TRIM29: variants seen among roughly 807,000 people sequenced by gnomAD.
The protein encoded by TRIM29 is tripartite motif containing 29, also known as tripartite motif-containing protein 29.
A neutral mutation model predicts 57.3 loss-of-function variants in TRIM29; 52 were observed. The ratio of observed to expected loss-of-function variants is 0.91; its 90% CI spans 0.73 to 1.14. The LOEUF is 1.14. Ranked by LOEUF, TRIM29 falls within the 50% of genes most tolerant of loss-of-function variation. The probability of loss-of-function intolerance (pLI) is 0.00; values close to 1 mark genes in which losing one functional copy is unlikely to be tolerated. For missense variants in TRIM29, 753 were observed against 774.6 expected (o/e 0.97, Z 0.33); for synonymous variants, 319 against 316.9 (o/e 1.01, Z -0.07).
intron 4 of TRIM29, chr11:120,123,351 A>G (rs1251082931): frequency 1.7e-6 from 1 of 585,094 alleles, no homozygotes; most frequent in South Asian, 1.5e-5. Flanking sequence ...GGTGCTATTA[A>G]TGCCCATTTC....
intron 7 of TRIM29, chr11:120,116,889 G>C (rs952108344): frequency 2.9e-6 from 1 of 343,324 alleles, no homozygotes; most frequent in East Asian, 9.0e-5. Context: ...AGAAGTGGCA[G>C]AGAGCCCCCC....
chr11:120,114,286 CCTT>C (rs1408894131), intron 8 of TRIM29, among the ~76,000 whole-genome samples: 4 of 152,192 alleles, frequency 2.6e-5, no homozygotes, highest in South Asian at 2.1e-4. Context: ...AGAACAGAAA[CCTT>C]CTTTTTTCTC....
chr11:120,137,772 T>C lies in TRIM29; in HGVS notation c.260A>G (p.Asp87Gly), dbSNP rs1407704489. Residue 87 changes from aspartate (D) to glycine (G), a missense_variant, in exon 1 of 9, where the codon GAC becomes GGC. Coordinates refer to ENST00000341846, the MANE Select transcript of TRIM29 (RefSeq NM_012101.4). The surrounding 1 kb of genome is among the most constrained non-coding windows in gnomAD (Gnocchi z 6.2). Reference protein sequence around the residue: ...RPIIQFVESGDDKNSNYFSMD... With the variant: ...RPIIQFVESGGDKNSNYFSMD... ...GCTGAAGTAGTTGGAGTTCTTGTCG[T>C]CCCCGGACTCGACAAACTGGATGAT... 6.2e-7 allele frequency: 1 copy of C among 1,612,112 alleles called. No homozygotes were observed. The highest frequency in any genetic ancestry group is 1.1e-5 in the South Asian group (1 of 91,078).
At chr11:120,120,176 G>C (rs977811960) in intron 6 of TRIM29, among the ~76,000 whole-genome samples, 2 of 120,342 alleles carry the variant, frequency 1.7e-5, no homozygotes, top group Non-Finnish European at 3.8e-5. Context: ...TACTTGTGGG[G>C]GGGGTGGCGC....
At position 120,128,682 on chromosome 11, in the gene TRIM29, G is replaced by T. The variant is rs1036945315; in HGVS notation, c.805-187C>A. On this transcript the variant is annotated intron_variant, in intron 1 of 8. Coordinates refer to ENST00000341846, the MANE Select transcript of TRIM29 (RefSeq NM_012101.4). ...GCCAGGCACCATGCCAGTCGCCAAG[G>T]ATCTAGCAGTAAGTTAAATACCATC... 2.0e-5 allele frequency: 31 copies of T among 1,535,042 alleles called. No individual in the cohort carries two copies. In the Admixed American group the frequency reaches 5.3e-4, roughly 26 times the overall value.
intron 4 of TRIM29, chr11:120,125,226 C>T: frequency 5.0e-6 from 1 of 199,852 alleles, no homozygotes; most frequent in South Asian, 1.1e-4. Context: ...CAGCACTGCT[C>T]AGCATGGCCA....
intron 6 of TRIM29, among the ~76,000 whole-genome samples, chr11:120,120,355 AC>A (rs2134994972): frequency 1.4e-4 from 1 of 7,388 alleles, no homozygotes; most frequent in African/African-American, 4.0e-4. Context: ...ACACACACAC[AC>A]ACACACACAC....
At position 120,122,970 on chromosome 11, in the gene TRIM29, C is replaced by T. The variant is rs1192045706; in HGVS notation, c.1419G>A (p.Met473Ile). 1.2e-6 allele frequency: 2 copies of T among 1,614,060 alleles called. No individual in the cohort carries two copies. Among genetic ancestry groups the T allele is most frequent in the Admixed American group, 1.7e-5 (1 of 60,018 alleles). ...CCCTCTTACCTTTGGGTGTCAGGTACATGGAGTATCTCTTCATGGTGTCCG... is the reference window on the plus strand; with the variant it reads ...CCCTCTTACCTTTGGGTGTCAGGTATATGGAGTATCTCTTCATGGTGTCCG... ...SAPDTMKRYS[M>I]YLTPKGGVRT... Residue 473 changes from methionine (M) to isoleucine (I), a missense_variant, in exon 5 of 9, where the codon ATG becomes ATA. Physicochemically the swap from Met to Ile is conservative, Grantham distance 10. Transcript: ENST00000341846.
chr11:120,122,853 C>G (rs899346037), intron 5 of TRIM29, 101 bp downstream of exon 5: 11 of 888,340 alleles, frequency 1.2e-5, no homozygotes, highest in Non-Finnish European at 1.8e-5. Context: ...ATGCCATCAC[C>G]CCCACTCAGA....
At chr11:120,122,865 G>C in intron 5 of TRIM29, 89 bp downstream of exon 5, 1 of 1,047,616 alleles carries the variant, frequency 9.5e-7, no homozygotes, top group South Asian at 1.4e-5. Flanking sequence ...CCACTCAGAA[G>C]GAACCTGGCT....
rs117526642 is a variant in TRIM29 at position 120,127,077 on chromosome 11, A to G, written c.1134+259T>C. ...CCCAGAGCACTGCTAGCACATATCA[A>G]TTGAAGTTGGTAAAAGGTGATATTT... is the stretch of plus-strand genomic sequence containing the variant. On this transcript the variant is annotated intron_variant, in intron 3 of 8. Coordinates refer to ENST00000341846, the MANE Select transcript of TRIM29 (RefSeq NM_012101.4). Among the ~76,000 whole-genome samples, 5 of 152,348 alleles carry G rather than the reference A, an allele frequency of 3.3e-5. No homozygotes were observed. The East Asian group carries it at 9.6e-4, about 29-fold the overall frequency.
chr11:120,120,156 C>T (rs1018487235), intron 6 of TRIM29, among the ~76,000 whole-genome samples: 1 of 143,574 alleles, frequency 7.0e-6, no homozygotes, highest in Non-Finnish European at 1.5e-5. Flanking sequence ...TTTGGGTCCT[C>T]GTGCCCTCAT....
chr11:120,120,971 A>C (rs924003547), intron 5 of TRIM29: 20 of 436,776 alleles, frequency 4.6e-5, no homozygotes, highest in African/African-American at 3.8e-4. Context: ...AAGTGGCCTA[A>C]TGAGCCAGAA....
chr11:120,112,237 C>T lies in TRIM29; in HGVS notation c.*177G>A, dbSNP rs929003497. 4.9e-6 allele frequency: 3 copies of T among 613,170 alleles called. No individual in the cohort carries two copies. Among genetic ancestry groups the T allele is most frequent in the Admixed American group, 6.2e-5 (2 of 32,252 alleles). The allele number at this position is 613,170 out of a possible 1,614,324, so 38.0% of individuals were successfully genotyped here. A position where few individuals can be genotyped will look rare whatever the true frequency, so the allele number is the denominator to read the frequency against. ...GGAAAGGAGTCTGAATGGAGTGTGGCCAGTGGGGAAGTCGGAGAGGCCGGA... is the reference window on the plus strand; with the variant it reads ...GGAAAGGAGTCTGAATGGAGTGTGGTCAGTGGGGAAGTCGGAGAGGCCGGA... On this transcript the variant is annotated 3_prime_UTR_variant, in exon 9 of 9. Transcript: ENST00000341846.
intron 8 of TRIM29, among the ~76,000 whole-genome samples, 187 bp downstream of exon 8, chr11:120,115,151 A>G (rs1179275815): frequency 2.6e-5 from 4 of 152,214 alleles, no homozygotes; most frequent in Admixed American, 6.5e-5. Flanking sequence ...TCCCCTGCCC[A>G]TTAGCCCTGG....
chr11:120,117,865 C>T (rs1482065532), intron 7 of TRIM29: 5 of 276,240 alleles, frequency 1.8e-5, no homozygotes, highest in East Asian at 1.2e-4. Context: ...AGCCAGCCAA[C>T]GCTGGGAGTT....
Position 120,137,024 on chromosome 11 carries a change from G to A in TRIM29, c.804+204C>T, listed in dbSNP as rs920485970. Among the ~76,000 whole-genome samples, 14 of 152,166 alleles carry A rather than the reference G, an allele frequency of 9.2e-5. No homozygotes were observed. Among genetic ancestry groups the A allele is most frequent in the African/African-American group, 3.4e-4 (14 of 41,432 alleles). ...AATGTCCCTGTCTCCTGAGACCTTAGGGGATTGGGGAGCAACCTCTGATCC... is the reference window on the plus strand; with the variant it reads ...AATGTCCCTGTCTCCTGAGACCTTAAGGGATTGGGGAGCAACCTCTGATCC... On this transcript the variant is annotated intron_variant, in intron 1 of 8. Transcript: ENST00000341846. The surrounding 1 kb of genome is among the most constrained non-coding windows in gnomAD (Gnocchi z 6.2).
chr11:120,132,347 G>A (rs554677604), intron 1 of TRIM29, among the ~76,000 whole-genome samples: 82 of 151,782 alleles, frequency 5.4e-4, no homozygotes, highest in African/African-American at 1.9e-3. Flanking sequence ...CCACAGTCCC[G>A]CCCTGCCCAC....
In TRIM29 at chr11:120,127,099, A is replaced by G. The variant is rs112226837; in HGVS notation, c.1134+237T>C. On this transcript the variant is annotated intron_variant, in intron 3 of 8. Transcript: ENST00000341846. ...TCAATTGAAGTTGGTAAAAGGTGATATTTGTTTGCCATCTTGAGAGTAGGT... is the reference window on the plus strand; with the variant it reads ...TCAATTGAAGTTGGTAAAAGGTGATGTTTGTTTGCCATCTTGAGAGTAGGT... Among the ~76,000 whole-genome samples, 674 of 152,368 alleles carry G rather than the reference A, an allele frequency of 4.4e-3. 6 individuals carry two copies. The highest frequency in any genetic ancestry group is 6.8e-3 in the Middle Eastern group (2 of 294).
Sources: allele counts gnomAD v4.1 joint callset (sites outside exome capture counted in the v4.1 genomes callset), GRCh38; gene constraint gnomAD v4.1.1; non-coding constraint Gnocchi (gnomAD v3.1); transcripts MANE v1.5; gene names NCBI Gene and HGNC (gene_info 2026-07-23, HGNC 2026-07-21).